MLX: variants seen among roughly 807,000 people sequenced by gnomAD.
MLX encodes the protein max-like protein X.
Under a neutral mutation model 33.0 loss-of-function variants are expected in MLX, and 15 were observed. The ratio of observed to expected loss-of-function variants is 0.45; its 90% CI spans 0.30 to 0.70. The LOEUF is 0.70. Among genes scored for constraint, MLX ranks in the 30% least tolerant of loss-of-function variants. The probability of loss-of-function intolerance (pLI) is 0.07; values close to 1 mark genes in which losing one functional copy is unlikely to be tolerated. For synonymous variants in MLX, 115 were observed against 115.6 expected (o/e 0.99, Z 0.03); for missense variants, 285 against 306.3 (o/e 0.93, Z 0.52).
In MLX at chr17:42,571,473, C is replaced by T. The variant is rs35826610; in HGVS notation, c.679-74C>T. ...CACTTTTCTAAAGTACATGGCTGAT[C>T]TAGGCAGGCATCTTGGAAACTACTC... On this transcript the variant is annotated intron_variant, in intron 7 of 7. Transcript: ENST00000435881. 7.4e-4 allele frequency: 1,103 copies of T among 1,497,906 alleles called. 10 individuals are homozygous for T. In the African/African-American group the frequency reaches 0.014, roughly 19 times the overall value. 92.8% of individuals were successfully genotyped at this position (1,497,906 alleles called of 1,614,324 possible). A position where few individuals can be genotyped will look rare whatever the true frequency, so the allele number is the denominator to read the frequency against.
chr17:42,567,291 G>A (rs1323140727), intron 1 of MLX, 125 bp downstream of exon 1: 26 of 1,362,630 alleles, frequency 1.9e-5, no homozygotes, highest in African/African-American at 3.0e-5. Context: ...GTGCCCCGGG[G>A]CTGCAGAGAA....
At position 42,568,596 on chromosome 17, in the gene MLX, A is replaced by G. The variant is rs557551140; in HGVS notation, c.169+37A>G. ...CATCCCCCCCGACCTCGGGGGGCTC[A>G]GATATGTCATAATTGTAGTACCTTT... On this transcript the variant is annotated intron_variant, in intron 3 of 7. Coordinates refer to ENST00000435881, the MANE Select transcript of MLX (RefSeq NM_198204.2). 11 of 1,558,570 alleles carry G rather than the reference A, an allele frequency of 7.1e-6. No homozygotes were observed. In the African/African-American group the frequency reaches 1.4e-4, roughly 19 times the overall value.
intron 2 of MLX, 61 bp downstream of exon 2, chr17:42,567,716 T>C (rs1176591686): frequency 3.1e-6 from 5 of 1,610,868 alleles, no homozygotes; most frequent in Non-Finnish European, 4.2e-6. Flanking sequence ...CTCTAGATTC[T>C]TGTGGCGTTG....
Position 42,568,562 on chromosome 17 carries a change from AG to A in MLX, c.169+5del. 1.9e-6 allele frequency: 3 copies of A among 1,612,088 alleles called. No individual in the cohort carries two copies. Among genetic ancestry groups the A allele is most frequent in the Non-Finnish European group, 2.5e-6 (3 of 1,178,340 alleles). On this transcript the variant is annotated splice_donor_region_variant and intron_variant, in intron 3 of 7. Coordinates refer to ENST00000435881, the MANE Select transcript of MLX (RefSeq NM_198204.2). ...TGCCTCTTCTGTCCCCAACACAGGTAGGCAGTAACATCCCCCCCGACCTCGG... is the reference window on the plus strand; with the variant it reads ...TGCCTCTTCTGTCCCCAACACAGGTAGCAGTAACATCCCCCCCGACCTCGG...
intron 3 of MLX, 58 bp downstream of exon 3, chr17:42,568,617 C>A (rs949574816): frequency 1.1e-5 from 17 of 1,488,956 alleles, no homozygotes; most frequent in Non-Finnish European, 1.6e-5. Context: ...AATTGTAGTA[C>A]CTTTCCTAGA....
chr17:42,570,998 C>T (rs932202398), intron 7 of MLX, among the ~76,000 whole-genome samples: 21 of 152,018 alleles, frequency 1.4e-4, no homozygotes, highest in African/African-American at 4.4e-4. Context: ...AAACATATTG[C>T]GATGTTGAGA....
rs1402868502 is a variant in MLX, at chr17:42,572,215, C to CATCA, written c.*613_*616dup. On this transcript the variant is annotated 3_prime_UTR_variant, in exon 8 of 8. Coordinates refer to ENST00000435881, the MANE Select transcript of MLX (RefSeq NM_198204.2). ...AGGTTCCTCCCCTCACCCCATATTCCATCACCTTCCTCCTCTGCTCTGGGT... is the reference window on the plus strand; with the variant it reads ...AGGTTCCTCCCCTCACCCCATATTCCATCAATCACCTTCCTCCTCTGCTCTGGGT... 2.7e-6 allele frequency: 1 copy of CATCA among 370,220 alleles called. No homozygotes were observed. The highest frequency in any genetic ancestry group is 5.3e-6 in the Non-Finnish European group (1 of 188,812). The allele number at this position is 370,220 out of a possible 1,614,324, so 22.9% of individuals were successfully genotyped here.
intron 1 of MLX, 180 bp downstream of exon 1, chr17:42,567,346 G>A: frequency 1.4e-6 from 2 of 1,406,680 alleles, no homozygotes; most frequent in South Asian, 3.3e-5. Flanking sequence ...GACAAACGAG[G>A]CGTGTGCGCG....
rs2093046643 is a variant in MLX, at chr17:42,573,131, G to T, written c.*1528G>T. The T allele has an allele frequency of 6.2e-7, 1 of 1,614,244 alleles. No individual in the cohort carries two copies. The highest frequency in any genetic ancestry group is 2.2e-5 in the East Asian group (1 of 44,886). ...CAAAGAACTGCTTCTTGCTCTTGGG[G>T]TATCCTTCAAGTATTGCATCAGACA... On this transcript the variant is annotated 3_prime_UTR_variant, in exon 8 of 8. Coordinates refer to ENST00000435881, the MANE Select transcript of MLX (RefSeq NM_198204.2).
chr17:42,567,665 T>C lies in MLX; in HGVS notation c.79+10T>C, dbSNP rs2093014241. ...AACAGCCTGGACCCCGGTGAGTAGC[T>C]GCCCCATCTTAAGCTCTAGAGGGAC... On this transcript the variant is annotated intron_variant, in intron 2 of 7. Transcript: ENST00000435881. 1.9e-6 allele frequency: 3 copies of C among 1,614,104 alleles called. No homozygotes were observed. Among genetic ancestry groups the C allele is most frequent in the Non-Finnish European group, 2.5e-6 (3 of 1,179,994 alleles).
chr17:42,572,940 G>A lies in MLX; in HGVS notation c.*1337G>A, dbSNP rs2093044027. 2 of 1,612,582 alleles carry A rather than the reference G, an allele frequency of 1.2e-6. No individual in the cohort carries two copies. The highest frequency in any genetic ancestry group is 2.7e-5 in the African/African-American group (2 of 74,974). ...CATCTCACTCTTCTGACATCCTGCAGTCCCCACCAGTCCTGACCGTGGGCC... is the reference window on the plus strand; with the variant it reads ...CATCTCACTCTTCTGACATCCTGCAATCCCCACCAGTCCTGACCGTGGGCC... On this transcript the variant is annotated 3_prime_UTR_variant, in exon 8 of 8. Transcript: ENST00000435881.
At position 42,572,995 on chromosome 17, in the gene MLX, A is replaced by C. The variant is rs753340066; in HGVS notation, c.*1392A>C. 3.7e-6 allele frequency: 6 copies of C among 1,614,072 alleles called. No homozygotes were observed. The highest frequency in any genetic ancestry group is 5.1e-6 in the Non-Finnish European group (6 of 1,180,046). On this transcript the variant is annotated 3_prime_UTR_variant, in exon 8 of 8. Transcript: ENST00000435881. ...AGGGGTCTGGGAGTGTGACGTTGTA[A>C]TCTTCATCCGTCTCTATCCCAACTT...
intron 1 of MLX, 68 bp from the exon 2 acceptor site, chr17:42,567,551 G>T: frequency 6.2e-7 from 1 of 1,608,504 alleles, no homozygotes; most frequent in Non-Finnish European, 8.5e-7. Flanking sequence ...GTGCGTGCCT[G>T]CAGTGGAAGG....
chr17:42,567,460 T>C, intron 1 of MLX, 159 bp from the exon 2 acceptor site: 1 of 1,408,346 alleles, frequency 7.1e-7, no homozygotes, highest in African/African-American at 1.4e-5. Flanking sequence ...GGGGACTCAT[T>C]AAGCTGCCCG....
intron 2 of MLX, 54 bp downstream of exon 2, chr17:42,567,709 T>C: frequency 1.9e-6 from 3 of 1,612,562 alleles, no homozygotes; most frequent in Non-Finnish European, 1.7e-6. Context: ...CCAGGCTCTC[T>C]AGATTCTTGT....
chr17:42,567,136 G>T lies in MLX; in HGVS notation c.12G>T (p.Pro4=). Residue 4 remains proline (P), a synonymous_variant, in exon 1 of 8, where the codon CCG becomes CCT. Transcript: ENST00000435881. ...CCGGTGGGTACAAGATGACGGAGCC[G>T]GGCGCCTCTCCCGAGGACCCTTGGG... is the stretch of plus-strand genomic sequence containing the variant. MTE[P]GASPEDPWVK... is the part of the protein sequence containing the mutation. 7.9e-7 allele frequency: 1 copy of T among 1,260,928 alleles called. No homozygotes were observed. Among genetic ancestry groups the T allele is most frequent in the East Asian group, 3.1e-5 (1 of 32,518 alleles). The allele number at this position is 1,260,928 out of a possible 1,614,324, so 78.1% of individuals were successfully genotyped here.
intron 3 of MLX, 125 bp from the exon 4 acceptor site, chr17:42,568,712 C>CATT (rs2093019089): frequency 9.3e-7 from 1 of 1,073,190 alleles, no homozygotes; most frequent in African/African-American, 1.6e-5. Flanking sequence ...TCATCTGGAA[C>CATT]ATTAGGTGGT....
rs778028532 is a variant in MLX, at chr17:42,570,018, C to T, written c.513C>T (p.Asn171=). Reference sequence around the variant, plus strand: ...AGATTGTGAAGGCACACCAGGACAACCCCCATGAAGGGGAGGACCAGGTCT... The same window carrying T: ...AGATTGTGAAGGCACACCAGGACAATCCCCATGAAGGGGAGGACCAGGTCT... ...YEQIVKAHQD[N]PHEGEDQVSD... is the part of the protein sequence containing the mutation. The change falls in exon 7 of 8, where the codon AAC becomes AAT. Residue 171 remains asparagine, a synonymous_variant. Transcript: ENST00000435881. The T allele has an allele frequency of 9.3e-6, 15 of 1,613,930 alleles. No individual in the cohort carries two copies. The East Asian group carries it at 2.9e-4, about 31-fold the overall frequency.
In MLX at chr17:42,573,178, TAAAA is replaced by T. The variant is rs775823566; in HGVS notation, c.*1576_*1579del. ...GACAGCTCTGTAGCCTGACAAGAAA[TAAAA>T]CCACCCGTTTTCAGATGGGCAGCAC... On this transcript the variant is annotated 3_prime_UTR_variant, in exon 8 of 8. Transcript: ENST00000435881. 3 of 1,614,106 alleles carry T rather than the reference TAAAA, an allele frequency of 1.9e-6. No individual in the cohort carries two copies. The highest frequency in any genetic ancestry group is 2.7e-5 in the African/African-American group (2 of 74,944).
Sources: allele counts gnomAD v4.1 joint callset (sites outside exome capture counted in the v4.1 genomes callset), GRCh38; gene constraint gnomAD v4.1.1; transcripts MANE v1.5; gene names NCBI Gene and HGNC (gene_info 2026-07-23, HGNC 2026-07-21).